The following LRFN2 variants were observed in gnomAD, a reference collection of about 807,000 sequenced individuals.
LRFN2 encodes the protein leucine-rich repeat and fibronectin type-III domain-containing protein 2.
In LRFN2, 18 loss-of-function variants were observed where a neutral mutation model predicts 37.3. The observed-to-expected ratio is 0.48, with a 90% CI of 0.33 to 0.72. The LOEUF (loss-of-function observed/expected upper bound fraction) is 0.72. Ranked by LOEUF, LRFN2 falls within the 30% of genes least tolerant of loss-of-function variation. The pLI, the probability that LRFN2 is intolerant of heterozygous loss-of-function variation, is 0.02. For missense variants in LRFN2, 1,006 were observed against 1,060.7 expected (o/e 0.95, Z 0.72); for synonymous variants, 556 against 466.6 (o/e 1.19, Z -2.47).
At chr6:40,524,118 A>G (rs1241480935) in intron 1 of LRFN2, among the ~76,000 whole-genome samples, 1 of 152,212 alleles carries the variant, frequency 6.6e-6, no homozygotes, top group Admixed American at 6.5e-5. Context: ...CTGGGGGATA[A>G]TGTCCCCATT....
intron 1 of LRFN2, chr6:40,502,122 T>C (rs1011097584): frequency 2.0e-5 from 3 of 152,212 alleles, no homozygotes; most frequent in Non-Finnish European, 2.9e-5. Flanking sequence ...GAGCACCCTG[T>C]CTTTGCTACT....
chr6:40,487,898 C>T (rs912688147), intron 1 of LRFN2, among the ~76,000 whole-genome samples: 1 of 142,616 alleles, frequency 7.0e-6, no homozygotes, highest in African/African-American at 3.0e-5. Flanking sequence ...CCTCCTAACC[C>T]CCTTTCCCAA....
At chr6:40,408,325 C>T (rs1413423523) in intron 2 of LRFN2, among the ~76,000 whole-genome samples, 1 of 152,192 alleles carries the variant, frequency 6.6e-6, no homozygotes, top group Non-Finnish European at 1.5e-5. Flanking sequence ...AGATGTGTCA[C>T]TTCAGGGAGG....
intron 1 of LRFN2, among the ~76,000 whole-genome samples, chr6:40,570,717 C>A (rs1159821253): frequency 1.3e-5 from 2 of 152,194 alleles, no homozygotes; most frequent in Non-Finnish European, 2.9e-5. Flanking sequence ...AATATTTAAG[C>A]TGACATCTGA....
At chr6:40,509,259 C>A (rs1765627195) in intron 1 of LRFN2, among the ~76,000 whole-genome samples, 1 of 152,264 alleles carries the variant, frequency 6.6e-6, no homozygotes, top group Non-Finnish European at 1.5e-5. Flanking sequence ...CACATAAGTT[C>A]CTGCCCATAT....
intron 1 of LRFN2, among the ~76,000 whole-genome samples, chr6:40,552,127 G>A (rs1379151087): frequency 6.6e-6 from 1 of 152,158 alleles, no homozygotes; most frequent in East Asian, 1.9e-4. Flanking sequence ...TCTTCAATCT[G>A]CAGCTCCATT....
At chr6:40,472,300 G>A (rs1269503123) in intron 1 of LRFN2, among the ~76,000 whole-genome samples, 2 of 152,184 alleles carry the variant, frequency 1.3e-5, no homozygotes, top group African/African-American at 4.8e-5. Flanking sequence ...ACCCACAGCA[G>A]GTGGGGCTTT....
chr6:40,483,968 C>T (rs1216992016), intron 1 of LRFN2, among the ~76,000 whole-genome samples: 2 of 152,174 alleles, frequency 1.3e-5, no homozygotes, highest in Admixed American at 6.5e-5. Flanking sequence ...CCGCCTCTGT[C>T]CCCTCTCCCT....
intron 1 of LRFN2, among the ~76,000 whole-genome samples, chr6:40,539,110 C>A (rs1766505107): frequency 6.6e-6 from 1 of 152,102 alleles, no homozygotes; most frequent in African/African-American, 2.4e-5. Context: ...TCCCCATCCC[C>A]CTCCTTGAGA....
chr6:40,424,464 T>C (rs375923545), intron 2 of LRFN2, among the ~76,000 whole-genome samples: 11 of 152,216 alleles, frequency 7.2e-5, no homozygotes, highest in African/African-American at 2.7e-4. Context: ...AGTCTTTGCT[T>C]TGGATAACTT....
chr6:40,481,037 C>T (rs1764815260), intron 1 of LRFN2, among the ~76,000 whole-genome samples: 1 of 152,122 alleles, frequency 6.6e-6, no homozygotes, highest in Non-Finnish European at 1.5e-5. Context: ...ATCACCAGTG[C>T]CATGCTAATT....
chr6:40,581,558 A>T (rs1561915599), intron 1 of LRFN2, among the ~76,000 whole-genome samples: 1 of 152,154 alleles, frequency 6.6e-6, no homozygotes, highest in Admixed American at 6.5e-5. Context: ...CTTCTTCCCC[A>T]GGGGGGCATT....
At chr6:40,395,793 G>T (rs1442575527) in intron 2 of LRFN2, among the ~76,000 whole-genome samples, 7 of 152,142 alleles carry the variant, frequency 4.6e-5, no homozygotes, top group Admixed American at 4.6e-4. Flanking sequence ...GGCAGAGCTG[G>T]GATTAAATCC....
chr6:40,408,570 G>C (rs1302341686), intron 2 of LRFN2, among the ~76,000 whole-genome samples: 1 of 152,220 alleles, frequency 6.6e-6, no homozygotes, highest in African/African-American at 2.4e-5. Flanking sequence ...TGAAGATCCA[G>C]CATGGTGGTT....
chr6:40,435,153 C>CAG (rs10583784), intron 1 of LRFN2, among the ~76,000 whole-genome samples: 2,710 of 113,550 alleles, frequency 0.024, 36 homozygotes, highest in South Asian at 0.082. Flanking sequence ...TATATATATA[C>CAG]AGAGAGAGAG....
intron 1 of LRFN2, among the ~76,000 whole-genome samples, chr6:40,437,307 G>T (rs777816860): frequency 6.6e-6 from 1 of 152,156 alleles, no homozygotes; most frequent in Non-Finnish European, 1.5e-5. Flanking sequence ...TAGATGGACT[G>T]CCTCCGCCAT....
chr6:40,504,601 A>G (rs191389929), intron 1 of LRFN2, among the ~76,000 whole-genome samples: 36 of 152,320 alleles, frequency 2.4e-4, no homozygotes, highest in Middle Eastern at 3.4e-3. Context: ...CACTTGAGCC[A>G]TGGACAGTGA....
intron 1 of LRFN2, among the ~76,000 whole-genome samples, chr6:40,435,272 C>T (rs1763638315): frequency 6.7e-6 from 1 of 149,686 alleles, no homozygotes; most frequent in Non-Finnish European, 1.5e-5. Context: ...GTGATTCTCC[C>T]ACCTTGGCCT....
At position 40,499,576 on chromosome 6, in the gene LRFN2, C is replaced by T. The variant is rs545364757; in HGVS notation, c.-18-66445G>A. Among the ~76,000 whole-genome samples, 105 of 152,274 alleles carry T rather than the reference C, an allele frequency of 6.9e-4. No homozygotes were observed. The Middle Eastern group carries it at 0.01, about 15-fold the overall frequency. ...TACAATTGGAGTGGATTTAGGGCTT[C>T]GCAGGGCTCCTCTTCAGGTTGCAAT... is the stretch of plus-strand genomic sequence containing the variant. On this transcript the variant is annotated intron_variant, in intron 1 of 2. Transcript: ENST00000338305.
Sources: allele counts gnomAD v4.1 joint callset (sites outside exome capture counted in the v4.1 genomes callset), GRCh38; gene constraint gnomAD v4.1.1; transcripts MANE v1.5; gene names NCBI Gene and HGNC (gene_info 2026-07-23, HGNC 2026-07-21).